The following ZMYM2 variants were observed in gnomAD, a reference collection of about 807,000 sequenced individuals.
The protein encoded by ZMYM2 is zinc finger MYM-type protein 2.
A neutral mutation model predicts 162.8 loss-of-function variants in ZMYM2; 56 were observed. The observed-to-expected ratio is 0.34, with a 90% CI of 0.28 to 0.43. The LOEUF (loss-of-function observed/expected upper bound fraction) is 0.43, where lower values mean the gene tolerates loss of function less well. ZMYM2 is among the 20% of genes least tolerant of loss of function. ZMYM2 has a pLI of 1.00. For missense variants in ZMYM2, 1,275 were observed against 1,621.8 expected, an observed-to-expected ratio of 0.79 and a Z score of 3.67; for synonymous variants, 510 against 541.6, an observed-to-expected ratio of 0.94 and a Z score of 0.81.
the ZMYM2 span, among the ~76,000 whole-genome samples, chr13:19,898,738 C>G: frequency 6.6e-6 from 1 of 151,502 alleles, no homozygotes; most frequent in African/African-American, 2.4e-5. Context: ...CCAGTCTGGG[C>G]AACAAGGCAA....
In ZMYM2 at chr13:19,993,467, A is replaced by C; in HGVS notation, c.395A>C (p.Glu132Ala). The change falls in exon 3 of 25, where the codon GAG becomes GCG. Residue 132 changes from glutamate to alanine, a missense_variant. Physicochemically the swap from Glu to Ala is moderately radical, Grantham distance 107. This residue lies in a region of ZMYM2 where 295 missense variants were observed against 286.7 expected (regional missense o/e 1.03). Coordinates refer to ENST00000610343, the MANE Select transcript of ZMYM2 (RefSeq NM_197968.4). ...EEDMETNQGQ[E>A]KNSSNFIERR... ...GACATGGAAACAAATCAAGGGCAAG[A>C]GAAAAATTCCTCCAATTTTATTGAA... is the stretch of plus-strand genomic sequence containing the variant. 6.2e-7 allele frequency: 1 copy of C among 1,614,136 alleles called. No homozygotes were observed. The highest frequency in any genetic ancestry group is 8.5e-7 in the Non-Finnish European group (1 of 1,179,986).
At chr13:19,974,730 G>C (rs1157322460) in intron 2 of ZMYM2, among the ~76,000 whole-genome samples, 1 of 151,986 alleles carries the variant, frequency 6.6e-6, no homozygotes, top group South Asian at 2.1e-4. Flanking sequence ...TCAGCCTCCC[G>C]AAGTGCTGGG....
chr13:19,999,387 T>C (rs1030504122), intron 3 of ZMYM2, among the ~76,000 whole-genome samples: 14 of 152,298 alleles, frequency 9.2e-5, no homozygotes, highest in Middle Eastern at 3.4e-3. Context: ...TTCATTGTTA[T>C]TATATCTGTT....
At chr13:19,957,540 C>T (rs752765652), upstream of ZMYM2, among the ~76,000 whole-genome samples, 138 of 152,346 alleles carry the variant, frequency 9.1e-4, 1 homozygote, top group Non-Finnish European at 1.6e-3. Context: ...TGGAGGTGGC[C>T]TGTGGGGCCC....
intron 7 of ZMYM2, among the ~76,000 whole-genome samples, chr13:20,021,883 C>G (rs1394034569): frequency 6.6e-6 from 1 of 152,150 alleles, no homozygotes; most frequent in African/African-American, 2.4e-5. Context: ...TTTTTAAGAT[C>G]AGAGCTTTTT....
chr13:20,066,834 G>A lies in ZMYM2; in HGVS notation c.3133-17G>A, dbSNP rs749376010. On this transcript the variant is annotated splice_polypyrimidine_tract_variant and intron_variant, in intron 19 of 24. Coordinates refer to ENST00000610343, the MANE Select transcript of ZMYM2 (RefSeq NM_197968.4). The stretch of plus-strand genomic sequence containing the variant: ...AGGCTTTAAAAAAGATATTATTATG[G>A]TGTTTTTTACTAATAGGGAGCCAAG... 1 of 1,545,256 alleles carries A rather than the reference G, an allele frequency of 6.5e-7. No homozygotes were observed. Among genetic ancestry groups the A allele is most frequent in the Admixed American group, 2.2e-5 (1 of 45,990 alleles).
chr13:19,958,077 G>A (rs1954679680), upstream of ZMYM2, among the ~76,000 whole-genome samples: 1 of 152,238 alleles, frequency 6.6e-6, no homozygotes, highest in Admixed American at 6.5e-5. Flanking sequence ...CAGCCATGGC[G>A]GGAGGTGGGG....
the ZMYM2 span, among the ~76,000 whole-genome samples, chr13:19,878,279 C>T: frequency 6.6e-6 from 1 of 152,102 alleles, no homozygotes; most frequent in African/African-American, 2.4e-5. Context: ...TCTCGAACTC[C>T]TGACCTCAAG....
chr13:19,960,190 G>T (rs2139027314), intron 2 of ZMYM2, among the ~76,000 whole-genome samples, 164 bp downstream of exon 2: 1 of 152,322 alleles, frequency 6.6e-6, no homozygotes, highest in Non-Finnish European at 1.5e-5. Flanking sequence ...TGAGGCAGCT[G>T]GGAGTGGGCG....
chr13:20,049,417 T>C lies in ZMYM2; in HGVS notation c.2293-2016T>C, dbSNP rs115129778. The stretch of plus-strand genomic sequence containing the variant: ...AATGTGTTTAATTTTATGCCCTTGA[T>C]CTTCCAAATTATTGTATAAACGGAA... On this transcript the variant is annotated intron_variant, in intron 12 of 24. Coordinates refer to ENST00000610343, the MANE Select transcript of ZMYM2 (RefSeq NM_197968.4). Among the ~76,000 whole-genome samples the C allele has an allele frequency of 8.7e-3, 1,323 of 152,060 alleles. 32 individuals carry two copies. Among genetic ancestry groups the C allele is most frequent in the African/African-American group, 0.03 (1,247 of 41,538 alleles).
Position 20,051,341 on chromosome 13 carries a change from G to A in ZMYM2, c.2293-92G>A, listed in dbSNP as rs935504349. 17 of 1,329,598 alleles carry A rather than the reference G, an allele frequency of 1.3e-5. No homozygotes were observed. The highest frequency in any genetic ancestry group is 1.9e-4 in the Middle Eastern group (1 of 5,254). The allele number at this position is 1,329,598 out of a possible 1,614,324, so 82.4% of individuals were successfully genotyped here. On this transcript the variant is annotated intron_variant, in intron 12 of 24. Transcript: ENST00000610343. Reference sequence around the variant, plus strand: ...GTTCTACTTTTTCTGTATCAGTCACGGTTTTATCACATTTGGCAATAATCA... The same window carrying A: ...GTTCTACTTTTTCTGTATCAGTCACAGTTTTATCACATTTGGCAATAATCA...
intron 21 of ZMYM2, among the ~76,000 whole-genome samples, chr13:20,076,808 A>T (rs1412075935): frequency 6.7e-6 from 1 of 150,368 alleles, no homozygotes; most frequent in Non-Finnish European, 1.5e-5. Flanking sequence ...TTTAATCCTT[A>T]TTCAGAGGAA....
intron 21 of ZMYM2, among the ~76,000 whole-genome samples, chr13:20,075,976 A>AGTACAAGGGCACAGT (rs1957476257): frequency 1.3e-5 from 2 of 151,190 alleles, no homozygotes; most frequent in African/African-American, 4.9e-5. Flanking sequence ...GATTACAGGC[A>AGTACAAGGGCACAGT]TGAGCCACCA....
At position 19,974,184 on chromosome 13, in the gene ZMYM2, C is replaced by G. The variant is rs1956580978; in HGVS notation, c.-11+14158C>G. ...AAAACTCACTCTTCTTCCTCTGATT[C>G]ATCTACACAATTCTCTTCCCTAGAG... On this transcript the variant is annotated intron_variant, in intron 2 of 24. Coordinates refer to ENST00000610343, the MANE Select transcript of ZMYM2 (RefSeq NM_197968.4). Among the ~76,000 whole-genome samples, 2 of 151,972 alleles carry G rather than the reference C, an allele frequency of 1.3e-5. 1 individual carries two copies. Among genetic ancestry groups the G allele is most frequent in the East Asian group, 3.9e-4 (2 of 5,160 alleles).
At chr13:19,883,097 C>G in the ZMYM2 span, among the ~76,000 whole-genome samples, 2 of 152,086 alleles carry the variant, frequency 1.3e-5, no homozygotes, top group South Asian at 4.2e-4. Flanking sequence ...ATGTATGCTA[C>G]AACATGAATG....
At chr13:19,866,732 C>CA in the ZMYM2 span, among the ~76,000 whole-genome samples, 1 of 152,028 alleles carries the variant, frequency 6.6e-6, no homozygotes, top group South Asian at 2.1e-4. Context: ...CCAGTCTCTA[C>CA]AAAAAATTTT....
intron 6 of ZMYM2, among the ~76,000 whole-genome samples, chr13:20,010,927 C>T (rs1326158842): frequency 6.6e-6 from 1 of 152,242 alleles, no homozygotes; most frequent in Non-Finnish European, 1.5e-5. Flanking sequence ...GCATGAGCCA[C>T]TGCGCCTGGC....
the ZMYM2 span, among the ~76,000 whole-genome samples, chr13:19,946,710 C>G: frequency 6.6e-6 from 1 of 152,140 alleles, no homozygotes; most frequent in African/African-American, 2.4e-5. Context: ...ACTTAGACTC[C>G]CAGTTAACAT....
the ZMYM2 span, among the ~76,000 whole-genome samples, chr13:19,941,258 A>G: frequency 1.3e-5 from 2 of 151,886 alleles, no homozygotes; most frequent in African/African-American, 4.8e-5. Context: ...CAATGAGTGG[A>G]GATTGTGCCG....
Sources: gnomAD v4.1 joint callset for allele counts (sites outside exome capture counted in the v4.1 genomes callset) on GRCh38, gnomAD v4.1.1 for gene constraint, gnomAD v4.1.1 regional missense constraint, MANE v1.5 for transcripts, NCBI Gene and HGNC (gene_info 2026-07-23, HGNC 2026-07-21) for gene names.